The following ST3GAL5 variants were observed in gnomAD, a reference collection of about 807,000 sequenced individuals.
ST3GAL5 encodes ST3 beta-galactoside alpha-2,3-sialyltransferase 5, also known as lactosylceramide alpha-2,3-sialyltransferase.
In ST3GAL5, 25 loss-of-function variants were observed where a neutral mutation model predicts 46.1. The observed-to-expected ratio is 0.54, with a 90% confidence interval of 0.40 to 0.76. The LOEUF (loss-of-function observed/expected upper bound fraction) is 0.76. Ranked by LOEUF, ST3GAL5 falls within the 30% of genes least tolerant of loss-of-function variation. The pLI is 0.00. For synonymous variants in ST3GAL5, 182 were observed against 192.7 expected (o/e 0.94, Z 0.46); for missense variants, 431 against 521.2 (o/e 0.83, Z 1.69).
intron 1 of ST3GAL5, among the ~76,000 whole-genome samples, chr2:85,865,371 T>C (rs1035060673): frequency 3.3e-5 from 5 of 152,046 alleles, no homozygotes; most frequent in African/African-American, 9.7e-5. Context: ...GTTTTTTTTT[T>C]CTGCTACTGT....
chr2:85,861,092 T>C, intron 3 of ST3GAL5, 89 bp downstream of exon 3: 1 of 951,798 alleles, frequency 1.1e-6, no homozygotes, highest in Non-Finnish European at 1.7e-6. Flanking sequence ...TATTAACATA[T>C]ATTTGTCACA....
At chr2:85,859,072 A>G (rs1358322148) in intron 3 of ST3GAL5, among the ~76,000 whole-genome samples, 18 of 152,232 alleles carry the variant, frequency 1.2e-4, no homozygotes, top group Admixed American at 1.2e-3. Context: ...CTGGCTGGAC[A>G]GGAAAACTAC....
rs1458610233 is a variant in ST3GAL5 at position 85,847,749 on chromosome 2, C to T, written c.662+112G>A. ...AGTTGAGGCTGCAGTGAGCTGAGAT[C>T]ACACCACTGCACTCCAGCCTGGACA... On this transcript the variant is annotated intron_variant, in intron 4 of 6. Transcript: ENST00000638572. The T allele has an allele frequency of 7.7e-6, 11 of 1,433,372 alleles. No homozygotes were observed. In the Admixed American group the frequency reaches 1.7e-4, roughly 22 times the overall value. 88.8% of individuals were successfully genotyped at this position (1,433,372 alleles called of 1,614,324 possible). A position where few individuals can be genotyped will look rare whatever the true frequency, so the allele number is the denominator to read the frequency against.
chr2:85,885,883 C>T (rs1047885069), intron 1 of ST3GAL5, among the ~76,000 whole-genome samples: 4 of 150,552 alleles, frequency 2.7e-5, no homozygotes, highest in Non-Finnish European at 5.9e-5. Flanking sequence ...GCTCCTAAAA[C>T]AGCAATACCA....
At position 85,840,333 on chromosome 2, in the gene ST3GAL5, G is replaced by A. The variant is rs1188851549; in HGVS notation, c.1068C>T (p.Val356=). The A allele has an allele frequency of 1.2e-6, 2 of 1,613,948 alleles. No individual in the cohort carries two copies. Among genetic ancestry groups the A allele is most frequent in the Non-Finnish European group, 1.7e-6 (2 of 1,179,820 alleles). ...VVLATHLCDE[V]SLAGFGYDLN... ...GGTCATATCCAAAACCCGCCAAACT[G>A]ACTTCATCGCACAGATGTGTGGCTA... Residue 356 remains valine (V), a synonymous_variant, in exon 7 of 7, where the codon GTC becomes GTT. Coordinates refer to ENST00000638572, the MANE Select transcript of ST3GAL5 (RefSeq NM_003896.4).
intron 1 of ST3GAL5, chr2:85,870,200 G>C: frequency 2.1e-6 from 1 of 470,782 alleles, no homozygotes; most frequent in Non-Finnish European, 4.4e-6. Context: ...TCCCCCACTA[G>C]AATGCAGATT....
At position 85,863,446 on chromosome 2, in the gene ST3GAL5, T is replaced by C; in HGVS notation, c.122A>G (p.Asp41Gly). The change falls in exon 2 of 7, where the codon GAT becomes GGT. Residue 41 changes from aspartate (D) to glycine (G), a missense_variant. Coordinates refer to ENST00000638572, the MANE Select transcript of ST3GAL5 (RefSeq NM_003896.4). ...CCATTGCAGGGAAGGCCTCGAGCAA[T>C]CACTTCTCAGTTTCACATAGGTGTA... ...SEYTYVKLRS[D>G]CSRPSLQWYT... 1 of 1,614,190 alleles carries C rather than the reference T, an allele frequency of 6.2e-7. No individual in the cohort carries two copies. Among genetic ancestry groups the C allele is most frequent in the South Asian group, 1.1e-5 (1 of 91,080 alleles).
chr2:85,861,440 G>T, intron 2 of ST3GAL5, 148 bp from the exon 3 acceptor site: 1 of 665,718 alleles, frequency 1.5e-6, no homozygotes, highest in Non-Finnish European at 2.7e-6. Flanking sequence ...GAAAGGAAGG[G>T]GCCATTTCCT....
upstream of ST3GAL5, chr2:85,889,034 G>A (rs1329563511): frequency 2.2e-5 from 14 of 635,006 alleles, no homozygotes; most frequent in Non-Finnish European, 3.0e-5. Context: ...AGGGGCGCGT[G>A]GGCGGGGTCT....
chr2:85,845,263 G>A (rs1682645650), intron 5 of ST3GAL5: 1 of 153,278 alleles, frequency 6.5e-6, no homozygotes, highest in African/African-American at 2.4e-5. Context: ...CTCCATAGCT[G>A]CCCTTCTGGA....
At chr2:85,851,364 T>C in intron 3 of ST3GAL5, 3 of 1,176,966 alleles carry the variant, frequency 2.5e-6, no homozygotes, top group South Asian at 1.7e-5. Context: ...GCCACAGCAA[T>C]TCCTTGTCCT....
chr2:85,885,604 G>A (rs1030007243), intron 1 of ST3GAL5, among the ~76,000 whole-genome samples: 6 of 152,158 alleles, frequency 3.9e-5, no homozygotes, highest in South Asian at 2.1e-4. Context: ...CGAGGTGGGC[G>A]GATCACGAGG....
chr2:85,881,041 T>C (rs1022844741), intron 1 of ST3GAL5: 18 of 474,506 alleles, frequency 3.8e-5, no homozygotes, highest in South Asian at 2.4e-4. Flanking sequence ...GGGGAGGTAA[T>C]TGAATCACGG....
chr2:85,865,861 C>T (rs1558685189), intron 1 of ST3GAL5: 1 of 152,260 alleles, frequency 6.6e-6, no homozygotes, highest in Non-Finnish European at 1.5e-5. Flanking sequence ...CTCTTACCAG[C>T]TGGCTTCTCG....
In ST3GAL5 at chr2:85,847,843, C is replaced by CA. The variant is rs370442067; in HGVS notation, c.662+17dup. The CA allele has an allele frequency of 4.5e-5, 73 of 1,609,502 alleles. No homozygotes were observed. Among genetic ancestry groups the CA allele is most frequent in the Admixed American group, 8.4e-5 (5 of 59,644 alleles). ...CAATAAAAATAAGTAAACAAACAAA[C>CA]AAAAAAAACCAATGTACCTTATCAC... On this transcript the variant is annotated intron_variant, in intron 4 of 6. Transcript: ENST00000638572.
chr2:85,852,902 C>A, intron 3 of ST3GAL5: 1 of 1,304,216 alleles, frequency 7.7e-7, no homozygotes, highest in Non-Finnish European at 1.0e-6. Flanking sequence ...GGGAGCAGCA[C>A]TAAGGAGAGA....
chr2:85,883,658 T>G (rs1301331287), intron 1 of ST3GAL5, among the ~76,000 whole-genome samples: 1 of 152,108 alleles, frequency 6.6e-6, no homozygotes, highest in East Asian at 1.9e-4. Flanking sequence ...GAACGCCAAG[T>G]GCAGTGTGCC....
chr2:85,844,748 C>T (rs1244934914), intron 5 of ST3GAL5, 194 bp from the exon 6 acceptor site: 1 of 672,976 alleles, frequency 1.5e-6, no homozygotes, highest in Non-Finnish European at 2.6e-6. Flanking sequence ...TCTGAAATAG[C>T]CACTTCACAC....
intron 1 of ST3GAL5, chr2:85,880,858 A>G: frequency 2.0e-6 from 1 of 510,574 alleles, no homozygotes; most frequent in South Asian, 1.5e-5. Flanking sequence ...ATCTCATTTT[A>G]AAAAATAGAC....
Sources: allele counts gnomAD v4.1 joint callset (sites outside exome capture counted in the v4.1 genomes callset), GRCh38; gene constraint gnomAD v4.1.1; transcripts MANE v1.5; gene names NCBI Gene and HGNC (gene_info 2026-07-23, HGNC 2026-07-21).